PRKCA: variants seen among roughly 807,000 people sequenced by gnomAD.
The protein encoded by PRKCA is protein kinase C alpha type.
Under a neutral mutation model 87.0 loss-of-function variants are expected in PRKCA, and 27 were observed. The ratio of observed to expected loss-of-function variants is 0.31; its 90% CI spans 0.23 to 0.43. PRKCA has a LOEUF of 0.43. PRKCA is among the 20% of genes least tolerant of loss of function. The pLI is 1.00. For missense variants in PRKCA, 518 were observed against 852.3 expected, an observed-to-expected ratio of 0.61 and a Z score of 4.88; for synonymous variants, 329 against 311.1, an observed-to-expected ratio of 1.06 and a Z score of -0.61.
intron 13 of PRKCA, among the ~76,000 whole-genome samples, chr17:66,763,322 C>T (rs1353142634): frequency 6.6e-6 from 1 of 152,188 alleles, no homozygotes; most frequent in Non-Finnish European, 1.5e-5. Flanking sequence ...TAGGGGCAGA[C>T]AGTCTCAGTA....
At chr17:66,356,625 AAAAAAC>A (rs1157167477) in intron 2 of PRKCA, among the ~76,000 whole-genome samples, 7 of 152,244 alleles carry the variant, frequency 4.6e-5, no homozygotes, top group South Asian at 2.1e-4. Context: ...CTCCGTCTCA[AAAAAAC>A]AAAAACAAAA....
At chr17:66,781,870 T>TAA (rs1975228703) in intron 14 of PRKCA, among the ~76,000 whole-genome samples, 1 of 107,088 alleles carries the variant, frequency 9.3e-6, no homozygotes, top group East Asian at 2.8e-4. Flanking sequence ...GAGAGAGAGA[T>TAA]ATATATATAT....
chr17:66,624,646 C>CA (rs1970793510), intron 3 of PRKCA, among the ~76,000 whole-genome samples: 1 of 151,852 alleles, frequency 6.6e-6, no homozygotes, highest in African/African-American at 2.4e-5. Context: ...ACTAAAAATA[C>CA]AAAAAATTAG....
At chr17:66,397,006 C>T (rs555524933) in intron 2 of PRKCA, among the ~76,000 whole-genome samples, 3 of 119,628 alleles carry the variant, frequency 2.5e-5, no homozygotes, top group South Asian at 3.0e-4. Context: ...GTCTCTGTCA[C>T]CCGGGCTGGA....
intron 2 of PRKCA, among the ~76,000 whole-genome samples, chr17:66,361,270 T>C (rs1908373865): frequency 6.6e-6 from 1 of 152,140 alleles, no homozygotes; most frequent in Non-Finnish European, 1.5e-5. Flanking sequence ...ACCAGATCAG[T>C]TGATCTCTCT....
chr17:66,803,377 T>C lies in PRKCA; in HGVS notation c.1855-496T>C, dbSNP rs1167536910. ...GGCTGGGGTTGCTGGAGCAGCCCAG[T>C]AGGAAGGCAAGGATAACACAGTTTT... On this transcript the variant is annotated intron_variant, in intron 16 of 16. Coordinates refer to ENST00000413366, the MANE Select transcript of PRKCA (RefSeq NM_002737.3). This position sits in a 1 kb window ranked among gnomAD's most constrained non-coding sequence, Gnocchi z 4.4. Among the ~76,000 whole-genome samples the C allele has an allele frequency of 6.6e-6, 1 of 152,144 alleles. No homozygotes were observed. The highest frequency in any genetic ancestry group is 1.9e-4 in the East Asian group (1 of 5,192).
In PRKCA at chr17:66,809,891, C is replaced by G. The variant is rs1976127148; in HGVS notation, c.*5854C>G. On this transcript the variant is annotated 3_prime_UTR_variant, in exon 17 of 17. Coordinates refer to ENST00000413366, the MANE Select transcript of PRKCA (RefSeq NM_002737.3). ...TGGCAGGAGGAGGATGCTTCCTTGG[C>G]TCTGTGCCCAGACCCGCCTGGTCCC... 6.6e-6 allele frequency: 1 copy of G among 152,350 alleles called. No homozygotes were observed. The highest frequency in any genetic ancestry group is 1.9e-4 in the East Asian group (1 of 5,162). The allele number at this position is 152,350 out of a possible 1,614,324, so 9.4% of individuals were successfully genotyped here. A position where few individuals can be genotyped will look rare whatever the true frequency, so the allele number is the denominator to read the frequency against.
chr17:66,576,254 C>A (rs1056635616), intron 3 of PRKCA, among the ~76,000 whole-genome samples: 1 of 152,194 alleles, frequency 6.6e-6, no homozygotes, highest in Non-Finnish European at 1.5e-5. Flanking sequence ...TTCATGTGCG[C>A]GGTTGCTCTA....
intron 2 of PRKCA, among the ~76,000 whole-genome samples, chr17:66,406,945 C>G (rs1411091694): frequency 6.6e-6 from 1 of 152,118 alleles, no homozygotes; most frequent in Non-Finnish European, 1.5e-5. Flanking sequence ...TCCAGGAAAT[C>G]TAATTTTGAG....
chr17:66,750,511 G>A (rs552771395), intron 13 of PRKCA, among the ~76,000 whole-genome samples: 164 of 152,286 alleles, frequency 1.1e-3, no homozygotes, highest in South Asian at 2.9e-3. Flanking sequence ...TTGTCTGCCT[G>A]CAGCTCTTTA....
In PRKCA at chr17:66,725,640, A is replaced by C. The variant is rs944774330; in HGVS notation, c.919-7048A>C. Among the ~76,000 whole-genome samples the C allele has an allele frequency of 1.3e-4, 19 of 148,080 alleles. No homozygotes were observed. In the East Asian group the frequency reaches 3.8e-3, roughly 29 times the overall value. On this transcript the variant is annotated intron_variant, in intron 8 of 16. Transcript: ENST00000413366. ...AGCCTGGGCAACATGGTAAAACCGC[A>C]TGTCTACAAAAAAAAAAAAATTAGC...
intron 2 of PRKCA, among the ~76,000 whole-genome samples, chr17:66,492,352 G>A (rs1916284022): frequency 6.6e-6 from 1 of 152,168 alleles, no homozygotes; most frequent in Non-Finnish European, 1.5e-5. Context: ...TTTTTTTGAG[G>A]TGTGCAATAG....
At chr17:66,668,216 T>C (rs1381667249) in intron 5 of PRKCA, among the ~76,000 whole-genome samples, 1 of 152,212 alleles carries the variant, frequency 6.6e-6, no homozygotes, top group African/African-American at 2.4e-5. Context: ...AGGACCAAAA[T>C]AGTGTCTTCT....
intron 3 of PRKCA, among the ~76,000 whole-genome samples, chr17:66,569,283 A>G (rs1968993989): frequency 6.6e-6 from 1 of 152,204 alleles, no homozygotes; most frequent in African/African-American, 2.4e-5. Flanking sequence ...GAATTTAAAA[A>G]AAAGGTCAGG....
chr17:66,700,349 G>C (rs974610621), intron 8 of PRKCA, among the ~76,000 whole-genome samples: 5 of 152,262 alleles, frequency 3.3e-5, no homozygotes, highest in Middle Eastern at 3.4e-3. Flanking sequence ...CTAACATCCT[G>C]CTCTATGGTA....
At chr17:66,624,361 C>G (rs1970782234) in intron 3 of PRKCA, among the ~76,000 whole-genome samples, 1 of 152,186 alleles carries the variant, frequency 6.6e-6, no homozygotes, top group Admixed American at 6.5e-5. Flanking sequence ...CTCTCTCAGT[C>G]TGTTTCTACT....
chr17:66,774,419 G>C (rs1417302299), intron 14 of PRKCA: 2 of 991,938 alleles, frequency 2.0e-6, no homozygotes, highest in East Asian at 6.4e-5. Flanking sequence ...TCAGGAGTTC[G>C]AGACCACCCT....
chr17:66,437,910 G>A (rs1913494670), intron 2 of PRKCA, among the ~76,000 whole-genome samples: 1 of 151,386 alleles, frequency 6.6e-6, no homozygotes, highest in African/African-American at 2.4e-5. Flanking sequence ...CTTTTAACAG[G>A]TTCTCTTCAT....
intron 8 of PRKCA, among the ~76,000 whole-genome samples, chr17:66,699,724 C>A (rs138918042): frequency 6.6e-6 from 1 of 152,190 alleles, no homozygotes; most frequent in Non-Finnish European, 1.5e-5. Context: ...ATAGGTGGGA[C>A]TACAGGCATG....
Sources: gnomAD v4.1 joint callset for allele counts (sites outside exome capture counted in the v4.1 genomes callset) on GRCh38, gnomAD v4.1.1 for gene constraint, Gnocchi (gnomAD v3.1) non-coding constraint, MANE v1.5 for transcripts, NCBI Gene and HGNC (gene_info 2026-07-23, HGNC 2026-07-21) for gene names.